PCDH9: variants seen among roughly 807,000 people sequenced by gnomAD.
PCDH9 encodes the protein protocadherin-9.
In PCDH9, 24 loss-of-function variants were observed where a neutral mutation model predicts 70.6. That is an observed-to-expected ratio of 0.34 (90% CI 0.25 to 0.48). PCDH9 has a LOEUF of 0.48. Among genes scored for constraint, PCDH9 ranks in the 20% least tolerant of loss-of-function variants. The pLI, the probability that PCDH9 is intolerant of heterozygous loss-of-function variation, is 0.99. For synonymous variants in PCDH9, 562 were observed against 558.5 expected (o/e 1.01, Z -0.09); for missense variants, 1,281 against 1,503.6 (o/e 0.85, Z 2.45).
In PCDH9 at chr13:66,822,136, G is replaced by A. The variant is rs201923044; in HGVS notation, c.3138+81368C>T. On this transcript the variant is annotated intron_variant, in intron 3 of 4. Transcript: ENST00000377865. Reference sequence around the variant, plus strand: ...AATAAGGTTGACCCATCACACACGCGCACACACACACACACACACACACTC... The same window carrying A: ...AATAAGGTTGACCCATCACACACGCACACACACACACACACACACACACTC... Among the ~76,000 whole-genome samples the A allele has an allele frequency of 5.3e-4, 79 of 149,256 alleles. No individual in the cohort carries two copies. The South Asian group carries it at 7.1e-3, about 13-fold the overall frequency.
intron 2 of PCDH9, among the ~76,000 whole-genome samples, chr13:67,179,270 A>C (rs1264593785): frequency 6.6e-6 from 1 of 152,094 alleles, no homozygotes; most frequent in Non-Finnish European, 1.5e-5. Context: ...GCCAGTGTTC[A>C]CTTTCAGAAT....
chr13:66,780,917 A>G (rs2079988851), intron 3 of PCDH9, among the ~76,000 whole-genome samples: 1 of 152,190 alleles, frequency 6.6e-6, no homozygotes, highest in Admixed American at 6.5e-5. Flanking sequence ...AAGACCAATA[A>G]CAAAGCCTTA....
intron 3 of PCDH9, among the ~76,000 whole-genome samples, chr13:66,745,477 A>G (rs7990627): frequency 0.9 from 136,996 of 152,120 alleles, 63,431 homozygotes; most frequent in Non-Finnish European, 1. Flanking sequence ...CCAAGCAGGA[A>G]TGAGCCGGTT....
At chr13:66,888,932 A>G (rs1251804561) in intron 3 of PCDH9, among the ~76,000 whole-genome samples, 1 of 152,192 alleles carries the variant, frequency 6.6e-6, no homozygotes, top group East Asian at 1.9e-4. Flanking sequence ...AAAAATAAAA[A>G]TGACATAAGA....
intron 4 of PCDH9, among the ~76,000 whole-genome samples, chr13:66,566,936 C>G (rs933449005): frequency 2.6e-5 from 4 of 151,958 alleles, no homozygotes; most frequent in African/African-American, 9.7e-5. Flanking sequence ...AATTAGTAAG[C>G]TGTGGAAGGA....
chr13:66,721,682 T>C (rs1023001224), intron 3 of PCDH9, among the ~76,000 whole-genome samples: 4 of 152,226 alleles, frequency 2.6e-5, no homozygotes, highest in Non-Finnish European at 5.9e-5. Context: ...ACTCTTGAAC[T>C]ATTAGCAGCT....
intron 2 of PCDH9, among the ~76,000 whole-genome samples, chr13:67,129,237 A>G (rs977823888): frequency 2.6e-5 from 4 of 152,198 alleles, no homozygotes; most frequent in Non-Finnish European, 5.9e-5. Context: ...AAGAAGGGAA[A>G]AACAAAACAA....
chr13:67,190,609 C>A (rs766666813), intron 2 of PCDH9, among the ~76,000 whole-genome samples: 6 of 151,736 alleles, frequency 4.0e-5, no homozygotes, highest in Non-Finnish European at 8.8e-5. Flanking sequence ...TGGTCAGAAT[C>A]CAGTAAAAAG....
intron 4 of PCDH9, among the ~76,000 whole-genome samples, chr13:66,581,973 C>G (rs796881051): frequency 6.6e-6 from 1 of 152,018 alleles, no homozygotes. Context: ...CGTCTTTGTC[C>G]CTTTTCAGTT....
At chr13:66,380,536 CTTTTTTTTTTTTTT>C (rs59830525) in intron 4 of PCDH9, among the ~76,000 whole-genome samples, 1 of 53,358 alleles carries the variant, frequency 1.9e-5, no homozygotes, top group Admixed American at 3.0e-4. Flanking sequence ...AGATCTTGTC[CTTTTTTTTTTTTTT>C]TTTTTTTTTT....
intron 3 of PCDH9, among the ~76,000 whole-genome samples, chr13:66,818,778 C>T (rs2080654351): frequency 6.6e-6 from 1 of 151,684 alleles, no homozygotes; most frequent in Non-Finnish European, 1.5e-5. Context: ...TAAAAAAATA[C>T]AAAAAATTAG....
In PCDH9 at chr13:66,454,816, C is replaced by A. The variant is rs1395845278; in HGVS notation, c.3341-149788G>T. 2.6e-5 allele frequency among the ~76,000 whole-genome samples: 4 copies of A among 152,094 alleles called. No individual in the cohort carries two copies. The East Asian group carries it at 7.7e-4, about 29-fold the overall frequency. ...TTTAAATGTATAGTTGTAAAAATTA[C>A]TAAATTTCGAACTTCTGACTTCAAG... is the stretch of plus-strand genomic sequence containing the variant. On this transcript the variant is annotated intron_variant, in intron 4 of 4. Transcript: ENST00000377865.
At chr13:66,450,743 C>T (rs1958189005) in intron 4 of PCDH9, among the ~76,000 whole-genome samples, 1 of 152,114 alleles carries the variant, frequency 6.6e-6, no homozygotes, top group South Asian at 2.1e-4. Context: ...AGGCCGGGCA[C>T]GGTGGCTCAC....
intron 2 of PCDH9, among the ~76,000 whole-genome samples, chr13:66,916,347 A>G (rs545594497): frequency 1.3e-5 from 2 of 151,708 alleles, no homozygotes; most frequent in East Asian, 3.9e-4. Flanking sequence ...AGCTTATTCA[A>G]TCCAGATGGC....
chr13:66,913,256 G>T (rs765378271), intron 2 of PCDH9, among the ~76,000 whole-genome samples: 4 of 152,008 alleles, frequency 2.6e-5, no homozygotes, highest in Non-Finnish European at 2.9e-5. Flanking sequence ...AGAATGGGGT[G>T]GGGGAGAGAG....
intron 2 of PCDH9, among the ~76,000 whole-genome samples, chr13:67,191,700 C>A (rs2088919036): frequency 6.6e-6 from 1 of 152,158 alleles, no homozygotes; most frequent in Non-Finnish European, 1.5e-5. Flanking sequence ...CCCACCTGGA[C>A]TTGCCTTATA....
At chr13:66,555,125 C>A (rs1040752757) in intron 4 of PCDH9, among the ~76,000 whole-genome samples, 11 of 140,458 alleles carry the variant, frequency 7.8e-5, no homozygotes, top group African/African-American at 2.8e-4. Flanking sequence ...GCCAAGAACA[C>A]GCCATTGCAC....
At chr13:67,059,402 T>A (rs1006635010) in intron 2 of PCDH9, among the ~76,000 whole-genome samples, 7 of 146,816 alleles carry the variant, frequency 4.8e-5, no homozygotes, top group African/African-American at 1.5e-4. Context: ...GTATATATAG[T>A]GTATATATAT....
intron 2 of PCDH9, among the ~76,000 whole-genome samples, chr13:66,972,448 T>A (rs1924311): frequency 6.6e-6 from 1 of 151,942 alleles, no homozygotes; most frequent in Admixed American, 6.6e-5. Context: ...TTTCTTAACT[T>A]GCATTATAAC....
Sources: allele counts gnomAD v4.1 joint callset (sites outside exome capture counted in the v4.1 genomes callset), GRCh38; gene constraint gnomAD v4.1.1; transcripts MANE v1.5; gene names NCBI Gene and HGNC (gene_info 2026-07-23, HGNC 2026-07-21).